LRRC4C: variants seen among roughly 807,000 people sequenced by gnomAD.
The protein encoded by LRRC4C is leucine rich repeat containing 4C.
Under a neutral mutation model 33.6 loss-of-function variants are expected in LRRC4C, and 5 were observed. The ratio of observed to expected loss-of-function variants is 0.15; its 90% CI spans 0.08 to 0.31. The LOEUF (loss-of-function observed/expected upper bound fraction) is 0.31. LRRC4C is among the 10% of genes least tolerant of loss of function. The pLI, the probability that LRRC4C is intolerant of heterozygous loss-of-function variation, is 1.00. For missense variants in LRRC4C, 560 were observed against 796.7 expected (o/e 0.70, Z 3.58); for synonymous variants, 329 against 302.0 (o/e 1.09, Z -0.93).
chr11:40,428,228 A>G (rs1222543952), intron 3 of LRRC4C, among the ~76,000 whole-genome samples: 1 of 152,134 alleles, frequency 6.6e-6, no homozygotes, highest in Non-Finnish European at 1.5e-5. Context: ...GCCTTGGATT[A>G]GACAATCTTG....
intron 1 of LRRC4C, among the ~76,000 whole-genome samples, chr11:41,069,834 A>C (rs933349008): frequency 1.3e-5 from 2 of 152,172 alleles, no homozygotes; most frequent in African/African-American, 4.8e-5. Flanking sequence ...GAAAATGGCC[A>C]TCCTACCCAA....
chr11:41,345,153 A>C (rs1322430658), intron 1 of LRRC4C, among the ~76,000 whole-genome samples: 1 of 152,198 alleles, frequency 6.6e-6, no homozygotes, highest in Admixed American at 6.5e-5. Flanking sequence ...CTGATTTGAC[A>C]GTTGTACTTG....
At chr11:40,460,940 T>C (rs2138184110) in intron 3 of LRRC4C, among the ~76,000 whole-genome samples, 1 of 152,278 alleles carries the variant, frequency 6.6e-6, no homozygotes, top group East Asian at 1.9e-4. Flanking sequence ...GTAAAATAAC[T>C]GTATTTCTCC....
In LRRC4C at chr11:40,227,468, C is replaced by T. The variant is rs539797966; in HGVS notation, c.-96+14051G>A. Among the ~76,000 whole-genome samples, 59 of 152,204 alleles carry T rather than the reference C, an allele frequency of 3.9e-4. 1 individual carries two copies. In the South Asian group the frequency reaches 0.011, roughly 27 times the overall value. On this transcript the variant is annotated intron_variant, in intron 5 of 6. Coordinates refer to ENST00000528697, the MANE Select transcript of LRRC4C (RefSeq NM_001258419.2). ...AGTTTACCACTGACACTCATCCCCC[C>T]GAAATATTTATGTATGTATCTGGTT...
At position 40,306,613 on chromosome 11, in the gene LRRC4C, C is replaced by G. The variant is rs144953370; in HGVS notation, c.-176+13015G>C. Among the ~76,000 whole-genome samples the G allele has an allele frequency of 2.0e-4, 30 of 152,326 alleles. 1 individual carries two copies. The highest frequency in any genetic ancestry group is 7.0e-4 in the African/African-American group (29 of 41,580). ...CTGCCCCAATCCAACCCACCCATGG[C>G]TAATACACAGTCAAAAGCACCAGCT... On this transcript the variant is annotated intron_variant, in intron 4 of 6. Transcript: ENST00000528697.
intron 2 of LRRC4C, among the ~76,000 whole-genome samples, chr11:40,880,519 C>A (rs560187262): frequency 3.9e-4 from 53 of 137,042 alleles, no homozygotes; most frequent in African/African-American, 1.3e-3. Flanking sequence ...CTACGAACCC[C>A]TCCACAGAAT....
intron 3 of LRRC4C, among the ~76,000 whole-genome samples, chr11:40,551,662 CATTTA>C (rs796402437): frequency 3.7e-4 from 57 of 152,180 alleles, no homozygotes; most frequent in African/African-American, 1.3e-3. Context: ...TGTAAATTAC[CATTTA>C]ATTAATTAAT....
At chr11:40,731,074 T>C (rs1471538290) in intron 2 of LRRC4C, among the ~76,000 whole-genome samples, 2 of 151,852 alleles carry the variant, frequency 1.3e-5, no homozygotes, top group African/African-American at 2.4e-5. Context: ...AATCCCAGCA[T>C]TCTGGGAGGC....
At chr11:40,673,812 G>C (rs1289447794) in intron 2 of LRRC4C, among the ~76,000 whole-genome samples, 3 of 152,148 alleles carry the variant, frequency 2.0e-5, no homozygotes, top group Non-Finnish European at 2.9e-5. Flanking sequence ...TCATTACATG[G>C]TTTGAGAGCC....
chr11:40,243,691 T>A (rs1176494196), intron 4 of LRRC4C, among the ~76,000 whole-genome samples: 28 of 144,862 alleles, frequency 1.9e-4, no homozygotes, highest in African/African-American at 6.9e-4. Flanking sequence ...TTATATCTTT[T>A]TTTTTTTTTT....
At chr11:40,971,311 TC>T (rs1456971182) in intron 1 of LRRC4C, among the ~76,000 whole-genome samples, 5 of 152,178 alleles carry the variant, frequency 3.3e-5, no homozygotes, top group African/African-American at 1.2e-4. Context: ...AGGACCCTGG[TC>T]CCTGCATTCT....
Position 40,549,788 on chromosome 11 carries a change from A to G in LRRC4C, c.-270+98354T>C, listed in dbSNP as rs1050579442. 3.3e-5 allele frequency among the ~76,000 whole-genome samples: 5 copies of G among 152,146 alleles called. 1 individual carries two copies. Among genetic ancestry groups the G allele is most frequent in the Admixed American group, 3.3e-4 (5 of 15,252 alleles). On this transcript the variant is annotated intron_variant, in intron 3 of 6. Transcript: ENST00000528697. ...CAGAAGAAAAAAAGTGAAAATACAT[A>G]CAGTGAAAGGGGATTGGATAAAGCA... is the stretch of plus-strand genomic sequence containing the variant.
rs115079470 is a variant in LRRC4C at position 40,388,872 on chromosome 11, G to A, written c.-269-69151C>T. ...AGATATTCCCTGAAGTTCAGAGGACGAGGTACTGCAAAATGGAGACATCAG... is the reference window on the plus strand; with the variant it reads ...AGATATTCCCTGAAGTTCAGAGGACAAGGTACTGCAAAATGGAGACATCAG... On this transcript the variant is annotated intron_variant, in intron 3 of 6. Transcript: ENST00000528697. 7.3e-3 allele frequency among the ~76,000 whole-genome samples: 1,109 copies of A among 152,230 alleles called. 13 individuals carry two copies. Among genetic ancestry groups the A allele is most frequent in the African/African-American group, 0.025 (1,049 of 41,524 alleles).
chr11:40,351,117 T>A (rs1212926619), intron 3 of LRRC4C, among the ~76,000 whole-genome samples: 1 of 152,042 alleles, frequency 6.6e-6, no homozygotes, highest in Non-Finnish European at 1.5e-5. Context: ...CCAGTACTAT[T>A]TTCAATAGTA....
At chr11:40,116,372 A>G (rs961486347) in intron 6 of LRRC4C, 38 bp from the exon 7 acceptor site, 1 of 1,510,216 alleles carries the variant, frequency 6.6e-7, no homozygotes, top group Admixed American at 2.2e-5. Flanking sequence ...TTATTAGATT[A>G]GATTTATTCT....
intron 1 of LRRC4C, among the ~76,000 whole-genome samples, chr11:41,219,425 A>G (rs1384983125): frequency 6.6e-6 from 1 of 152,216 alleles, no homozygotes; most frequent in Non-Finnish European, 1.5e-5. Context: ...AGAGTAAGAG[A>G]GGAAGTTTAC....
At chr11:41,380,515 A>C (rs1193328850) in intron 1 of LRRC4C, among the ~76,000 whole-genome samples, 1 of 152,162 alleles carries the variant, frequency 6.6e-6, no homozygotes, top group Non-Finnish European at 1.5e-5. Context: ...AAACTGGGGA[A>C]GTTTGTAGAA....
At chr11:41,190,141 T>G (rs190433841) in intron 1 of LRRC4C, among the ~76,000 whole-genome samples, 1 of 152,352 alleles carries the variant, frequency 6.6e-6, no homozygotes, top group African/African-American at 2.4e-5. Flanking sequence ...CTGACACTTT[T>G]GCAAGGACAC....
chr11:41,045,077 A>AT (rs1459910753), intron 1 of LRRC4C, among the ~76,000 whole-genome samples: 2 of 151,568 alleles, frequency 1.3e-5, no homozygotes, highest in African/African-American at 2.4e-5. Flanking sequence ...CTCATCACTG[A>AT]TTTTTTTTCT....
Sources: allele counts gnomAD v4.1 joint callset (sites outside exome capture counted in the v4.1 genomes callset), GRCh38; gene constraint gnomAD v4.1.1; transcripts MANE v1.5; gene names NCBI Gene and HGNC (gene_info 2026-07-23, HGNC 2026-07-21).